The following INCENP variants were observed in gnomAD, a reference collection of about 807,000 sequenced individuals.
INCENP encodes the protein binds and activates aurora-B and -C in vivo and in vitro.
A neutral mutation model predicts 107.3 loss-of-function variants in INCENP; 43 were observed. That is an observed-to-expected ratio of 0.40 (90% CI 0.31 to 0.52). The LOEUF (loss-of-function observed/expected upper bound fraction) is 0.52, where lower values mean the gene tolerates loss of function less well. Among genes scored for constraint, INCENP ranks in the 20% least tolerant of loss-of-function variants. INCENP has a pLI of 0.53. For missense variants in INCENP, 1,089 were observed against 1,250.9 expected, an observed-to-expected ratio of 0.87 and a Z score of 1.95; for synonymous variants, 488 against 494.4, an observed-to-expected ratio of 0.99 and a Z score of 0.17.
At chr11:62,125,247 G>T (rs576199614) in intron 1 of INCENP, among the ~76,000 whole-genome samples, 1 of 152,280 alleles carries the variant, frequency 6.6e-6, no homozygotes, top group African/African-American at 2.4e-5. Context: ...TTTTTAAATC[G>T]TTGCGCTAAG....
chr11:62,145,141 C>T (rs750893656), intron 12 of INCENP, 28 bp from the exon 13 acceptor site: 2 of 1,614,024 alleles, frequency 1.2e-6, no homozygotes, highest in South Asian at 2.2e-5. Context: ...CTTGGTGGGG[C>T]TCCCCATGAC....
At chr11:62,141,602 A>G in intron 11 of INCENP, 91 bp downstream of exon 11, 1 of 1,482,982 alleles carries the variant, frequency 6.7e-7, no homozygotes. Context: ...GCACCTGTAG[A>G]TGCACTAACA....
At chr11:62,145,986 CT>C (rs1175471754) in intron 14 of INCENP, among the ~76,000 whole-genome samples, 1 of 152,236 alleles carries the variant, frequency 6.6e-6, no homozygotes, top group African/African-American at 2.4e-5. Flanking sequence ...GCCAGACTGC[CT>C]ATCTCAGCTC....
intron 2 of INCENP, 72 bp from the exon 3 acceptor site, chr11:62,128,698 G>T: frequency 9.4e-7 from 1 of 1,068,626 alleles, no homozygotes; most frequent in Non-Finnish European, 1.5e-6. Flanking sequence ...ATGGGCAGGG[G>T]CCAGGCTGGG....
At chr11:62,148,605 G>T in intron 16 of INCENP, 51 bp downstream of exon 16, 1 of 1,561,922 alleles carries the variant, frequency 6.4e-7, no homozygotes, top group Non-Finnish European at 8.7e-7. Context: ...TGAGCTGTGG[G>T]CGGGTCTGGA....
chr11:62,152,047 C>CTTGG lies in INCENP; in HGVS notation c.*73_*76dup, dbSNP rs1944387896. On this transcript the variant is annotated 3_prime_UTR_variant, in exon 19 of 19. Transcript: ENST00000394818. Reference sequence around the variant, plus strand: ...TATCTGTCTGTCTGTCGGTCTCTGTCTTGGTCTGTTGCCCTCCTTCTTGGC... The same window carrying CTTGG: ...TATCTGTCTGTCTGTCGGTCTCTGTCTTGGTTGGTCTGTTGCCCTCCTTCTTGGC... 11 of 1,219,874 alleles carry CTTGG rather than the reference C, an allele frequency of 9.0e-6. No individual in the cohort carries two copies. The East Asian group carries it at 2.7e-4, about 30-fold the overall frequency. 75.6% of individuals were successfully genotyped at this position (1,219,874 alleles called of 1,614,324 possible).
intron 7 of INCENP, among the ~76,000 whole-genome samples, chr11:62,139,229 G>A (rs951763946): frequency 6.6e-6 from 1 of 152,182 alleles, no homozygotes; most frequent in Non-Finnish European, 1.5e-5. Flanking sequence ...GCTGTGGCTG[G>A]TTGGGACAGG....
chr11:62,146,876 G>A lies in INCENP; in HGVS notation c.2178G>A (p.Arg726=). ...ERQLAEQERR[R]EQERLQAERE... is the part of the protein sequence containing the mutation. ...AGCTGGCAGAGCAGGAGCGTCGGCGGGAGCAGGAGCGGCTCCAGGCCGAGA... is the reference window on the plus strand; with the variant it reads ...AGCTGGCAGAGCAGGAGCGTCGGCGAGAGCAGGAGCGGCTCCAGGCCGAGA... The change falls in exon 15 of 19, where the codon CGG becomes CGA. Residue 726 remains arginine (R), a synonymous_variant. Transcript: ENST00000394818. 6.3e-7 allele frequency: 1 copy of A among 1,598,032 alleles called. No individual in the cohort carries two copies. The highest frequency in any genetic ancestry group is 1.3e-5 in the African/African-American group (1 of 74,912).
chr11:62,138,329 G>A (rs899090328), intron 5 of INCENP, among the ~76,000 whole-genome samples: 2 of 152,194 alleles, frequency 1.3e-5, no homozygotes, highest in African/African-American at 2.4e-5. Context: ...TTCTTGGGAC[G>A]GGGAAACAGG....
intron 4 of INCENP, among the ~76,000 whole-genome samples, chr11:62,131,450 G>A (rs1590608309): frequency 6.6e-6 from 1 of 152,310 alleles, no homozygotes; most frequent in East Asian, 1.9e-4. Flanking sequence ...GTGTCTGGAG[G>A]GGCAGGCTGG....
intron 8 of INCENP, 94 bp downstream of exon 8, chr11:62,140,379 G>A: frequency 9.1e-7 from 1 of 1,101,168 alleles, no homozygotes; most frequent in Non-Finnish European, 1.4e-6. Context: ...GTGTGCTCAG[G>A]GGCTTCAGAG....
chr11:62,141,030 C>T lies in INCENP; in HGVS notation c.1579C>T (p.Arg527Cys), dbSNP rs369191698. Residue 527 changes from arginine to cysteine, a missense_variant, in exon 10 of 19, where the codon CGC becomes TGC. Physicochemically the swap from Arg to Cys is radical, Grantham distance 180. Coordinates refer to ENST00000394818, the MANE Select transcript of INCENP (RefSeq NM_001040694.2). ...CTTTATTAAGCGCAACACTCCCCTGCGCATGGACCCCAAGGTGAGGGGCCT... is the reference window on the plus strand; with the variant it reads ...CTTTATTAAGCGCAACACTCCCCTGTGCATGGACCCCAAGGTGAGGGGCCT... ...KSFIKRNTPL[R>C]MDPKCSFVEK... 1.4e-5 allele frequency: 22 copies of T among 1,613,652 alleles called. No homozygotes were observed. Among genetic ancestry groups the T allele is most frequent in the Middle Eastern group, 1.7e-4 (1 of 6,058 alleles).
intron 2 of INCENP, 150 bp downstream of exon 2, chr11:62,128,451 T>G: frequency 1.2e-6 from 1 of 831,916 alleles, no homozygotes; most frequent in Non-Finnish European, 1.9e-6. Flanking sequence ...TGCAGTGTGC[T>G]GGGGGCCTGA....
chr11:62,150,302 G>A, intron 18 of INCENP, 95 bp downstream of exon 18: 2 of 1,347,812 alleles, frequency 1.5e-6, no homozygotes, highest in Non-Finnish European at 2.1e-6. Context: ...TGCGGTGTTG[G>A]GAGGCTGCCG....
intron 18 of INCENP, among the ~76,000 whole-genome samples, 191 bp from the exon 19 acceptor site, chr11:62,151,571 G>A (rs1165899418): frequency 1.3e-5 from 2 of 152,226 alleles, no homozygotes; most frequent in Non-Finnish European, 2.9e-5. Flanking sequence ...AGCTGCCAGA[G>A]GAAGGTTGGA....
chr11:62,150,000 G>C (rs553956319), intron 17 of INCENP, 57 bp from the exon 18 acceptor site: 1 of 1,576,244 alleles, frequency 6.3e-7, no homozygotes, highest in Non-Finnish European at 8.7e-7. Flanking sequence ...AGCACTCCTC[G>C]GTGGTGAGAG....
At chr11:62,149,409 C>T (rs1269983214) in intron 17 of INCENP, among the ~76,000 whole-genome samples, 1 of 152,152 alleles carries the variant, frequency 6.6e-6, no homozygotes, top group Non-Finnish European at 1.5e-5. Flanking sequence ...ACTGCTGTTA[C>T]CAAACAAAAC....
intron 17 of INCENP, 26 bp downstream of exon 17, chr11:62,148,872 G>T: frequency 6.7e-7 from 1 of 1,490,264 alleles, no homozygotes; most frequent in South Asian, 1.2e-5. Flanking sequence ...CAGTGGAGAG[G>T]CTCTCAGGTG....
In INCENP at chr11:62,128,278, G is replaced by A. The variant is rs1943800996; in HGVS notation, c.117G>A (p.Glu39=). ...KDLVWLEEIQ[E]EAERMFTREF... is the part of the protein sequence containing the mutation. ...TGGTGTGGCTTGAGGAAATCCAAGA[G>A]GAGGCCGAGCGCATGTTCACCAGGT... The change falls in exon 2 of 19, where the codon GAG becomes GAA. Residue 39 remains glutamate (E), a synonymous_variant. Coordinates refer to ENST00000394818, the MANE Select transcript of INCENP (RefSeq NM_001040694.2). 4 of 1,614,112 alleles carry A rather than the reference G, an allele frequency of 2.5e-6. No individual in the cohort carries two copies. In the African/African-American group the frequency reaches 5.3e-5, roughly 22 times the overall value.
Sources: gnomAD v4.1 joint callset for allele counts (sites outside exome capture counted in the v4.1 genomes callset) on GRCh38, gnomAD v4.1.1 for gene constraint, MANE v1.5 for transcripts, NCBI Gene and HGNC (gene_info 2026-07-23, HGNC 2026-07-21) for gene names.